Variants in TTC29 observed in about 807,000 individuals in gnomAD.
The protein encoded by TTC29 is tetratricopeptide repeat protein 29.
A neutral mutation model predicts 58.1 loss-of-function variants in TTC29; 49 were observed. The ratio of observed to expected loss-of-function variants is 0.84; its 90% CI spans 0.67 to 1.07. The LOEUF is 1.07. TTC29 is among the 50% of genes least tolerant of loss of function. TTC29 has a pLI of 0.00. For synonymous variants in TTC29, 209 were observed against 196.8 expected, an observed-to-expected ratio of 1.06 and a Z score of -0.52; for missense variants, 582 against 555.6, an observed-to-expected ratio of 1.05 and a Z score of -0.48.
intron 11 of TTC29, among the ~76,000 whole-genome samples, chr4:146,778,976 C>CAA (rs369374851): frequency 4.9e-4 from 14 of 28,538 alleles, no homozygotes; most frequent in African/African-American, 1.2e-3. Context: ...CCTAAATAAG[C>CAA]AAAAAAAAAA....
chr4:146,859,558 A>T (rs1437208524), intron 8 of TTC29, among the ~76,000 whole-genome samples: 1 of 152,082 alleles, frequency 6.6e-6, no homozygotes, highest in Non-Finnish European at 1.5e-5. Context: ...CGTTATCCCT[A>T]CTGGGTTCTA....
intron 11 of TTC29, among the ~76,000 whole-genome samples, chr4:146,798,724 A>G (rs1197233629): frequency 6.6e-6 from 1 of 151,460 alleles, no homozygotes; most frequent in Non-Finnish European, 1.5e-5. Flanking sequence ...CGTCTCTACT[A>G]AAAATAGAAA....
intron 6 of TTC29, among the ~76,000 whole-genome samples, chr4:146,881,829 G>T (rs1280314031): frequency 6.6e-6 from 1 of 152,002 alleles, no homozygotes; most frequent in Non-Finnish European, 1.5e-5. Flanking sequence ...GGAAAACAAA[G>T]ATTTTGTTCT....
chr4:146,926,262 G>A (rs1472862214), intron 4 of TTC29, among the ~76,000 whole-genome samples: 1 of 152,120 alleles, frequency 6.6e-6, no homozygotes, highest in African/African-American at 2.4e-5. Context: ...TTAAAGAACT[G>A]ATGTATGTCT....
intron 6 of TTC29, among the ~76,000 whole-genome samples, chr4:146,899,251 A>G (rs1464109242): frequency 1.3e-5 from 2 of 152,146 alleles, no homozygotes; most frequent in Non-Finnish European, 2.9e-5. Flanking sequence ...ATCATACCAA[A>G]GGAGGAGCTG....
chr4:146,761,269 T>C lies in TTC29; in HGVS notation c.1330+42188A>G, dbSNP rs9684521. Among the ~76,000 whole-genome samples the C allele has an allele frequency of 3.2e-3, 485 of 152,044 alleles. 5 individuals carry two copies. The highest frequency in any genetic ancestry group is 0.011 in the African/African-American group (468 of 41,530). ...ACTAACCATCTTCTACATCATTCAA[T>C]CACAAATATAATCTTAGGTGATAGG... is the stretch of plus-strand genomic sequence containing the variant. On this transcript the variant is annotated intron_variant, in intron 11 of 12. Transcript: ENST00000325106.
intron 5 of TTC29, among the ~76,000 whole-genome samples, chr4:146,907,097 G>C (rs1046964243): frequency 8.5e-5 from 13 of 152,288 alleles, no homozygotes; most frequent in African/African-American, 3.1e-4. Flanking sequence ...ACTCCAGCCT[G>C]GTTGACAGAA....
At chr4:146,760,158 T>C (rs886336957) in intron 11 of TTC29, among the ~76,000 whole-genome samples, 4 of 151,842 alleles carry the variant, frequency 2.6e-5, no homozygotes, top group Non-Finnish European at 2.9e-5. Flanking sequence ...CAAGAAGAGA[T>C]TCAAATTGAG....
At position 146,923,077 on chromosome 4, in the gene TTC29, A is replaced by C. The variant is rs1734698034; in HGVS notation, c.177-13828T>G. Among the ~76,000 whole-genome samples, 12 of 151,796 alleles carry C rather than the reference A, an allele frequency of 7.9e-5. No individual in the cohort carries two copies. The Admixed American group carries it at 7.9e-4, about 10-fold the overall frequency. On this transcript the variant is annotated intron_variant, in intron 4 of 12. Transcript: ENST00000325106. ...GCTAGAGCATTGAAACGGATAAAAA[A>C]TTATTTAGTCAATTTTACAAAATAC...
chr4:146,836,614 C>T (rs947438170), intron 8 of TTC29, among the ~76,000 whole-genome samples: 1 of 152,016 alleles, frequency 6.6e-6, no homozygotes, highest in Middle Eastern at 3.2e-3. Context: ...TAACATGATA[C>T]TACAAATTCT....
chr4:146,784,474 C>A (rs867399254), intron 11 of TTC29, among the ~76,000 whole-genome samples: 3 of 151,896 alleles, frequency 2.0e-5, no homozygotes, highest in Admixed American at 6.6e-5. Flanking sequence ...AATCCCAACC[C>A]CACAAGGTGA....
intron 8 of TTC29, among the ~76,000 whole-genome samples, chr4:146,851,297 C>T (rs1280673721): frequency 1.3e-5 from 2 of 152,132 alleles, no homozygotes; most frequent in Non-Finnish European, 2.9e-5. Context: ...ACAAGATGGG[C>T]CAAATAACTC....
chr4:146,884,115 T>A lies in TTC29; in HGVS notation c.587-9187A>T, dbSNP rs368427285. 1.1e-4 allele frequency among the ~76,000 whole-genome samples: 17 copies of A among 152,116 alleles called. No homozygotes were observed. The East Asian group carries it at 1.9e-3, about 17-fold the overall frequency. On this transcript the variant is annotated intron_variant, in intron 6 of 12. Transcript: ENST00000325106. Reference sequence around the variant, plus strand: ...TAAATACTATAAGGTCTTATGAACATGTACACATAGTAGATGAAGAATAAA... The same window carrying A: ...TAAATACTATAAGGTCTTATGAACAAGTACACATAGTAGATGAAGAATAAA...
At chr4:146,823,039 C>T (rs1751949151) in intron 9 of TTC29, among the ~76,000 whole-genome samples, 1 of 152,164 alleles carries the variant, frequency 6.6e-6, no homozygotes, top group African/African-American at 2.4e-5. Flanking sequence ...AAAGTGTTCT[C>T]CCATTCTGTA....
intron 11 of TTC29, among the ~76,000 whole-genome samples, chr4:146,738,879 T>C (rs1275904477): frequency 6.6e-6 from 1 of 152,136 alleles, no homozygotes; most frequent in Non-Finnish European, 1.5e-5. Flanking sequence ...CAAGTGGTGG[T>C]TCCTGGTGGG....
At chr4:146,799,210 A>G (rs1750039231) in intron 11 of TTC29, among the ~76,000 whole-genome samples, 1 of 152,170 alleles carries the variant, frequency 6.6e-6, no homozygotes, top group African/African-American at 2.4e-5. Context: ...TTATGAAAAC[A>G]TTATTAAAGA....
chr4:146,837,040 C>T (rs1252894235), intron 8 of TTC29, among the ~76,000 whole-genome samples: 1 of 152,078 alleles, frequency 6.6e-6, no homozygotes, highest in African/African-American at 2.4e-5. Context: ...AAGACACATG[C>T]ATGCAAATGT....
rs1325292399 is a variant in TTC29 at position 146,783,607 on chromosome 4, A to G, written c.1330+19850T>C. Reference sequence around the variant, plus strand: ...TTTCCTGACAGAAGCAGCCATATAAAATGTGCATTCATAGAAGAAGTAATG... The same window carrying G: ...TTTCCTGACAGAAGCAGCCATATAAGATGTGCATTCATAGAAGAAGTAATG... On this transcript the variant is annotated intron_variant, in intron 11 of 12. Transcript: ENST00000325106. Among the ~76,000 whole-genome samples, 3 of 152,070 alleles carry G rather than the reference A, an allele frequency of 2.0e-5. No homozygotes were observed. In the East Asian group the frequency reaches 5.8e-4, roughly 29 times the overall value.
At chr4:146,743,472 G>A (rs1745312787) in intron 11 of TTC29, among the ~76,000 whole-genome samples, 1 of 152,126 alleles carries the variant, frequency 6.6e-6, no homozygotes, top group South Asian at 2.1e-4. Flanking sequence ...GTTCAGAAGT[G>A]AACAAGCAGC....
Sources: gnomAD v4.1 joint callset for allele counts (sites outside exome capture counted in the v4.1 genomes callset) on GRCh38, gnomAD v4.1.1 for gene constraint, MANE v1.5 for transcripts, NCBI Gene and HGNC (gene_info 2026-07-23, HGNC 2026-07-21) for gene names.